IRAG1: variants seen among roughly 807,000 people sequenced by gnomAD.
IRAG1 encodes IP3R-associated cGMP kinase substrate.
In IRAG1, 62 loss-of-function variants were observed where a neutral mutation model predicts 106.2. The ratio of observed to expected loss-of-function variants is 0.58; its 90% CI spans 0.48 to 0.72. The LOEUF (loss-of-function observed/expected upper bound fraction) is 0.72, where lower values mean the gene tolerates loss of function less well. Among genes scored for constraint, IRAG1 ranks in the 30% least tolerant of loss-of-function variants. The pLI is 0.00. For missense variants in IRAG1, 1,064 were observed against 1,140.7 expected, an observed-to-expected ratio of 0.93 and a Z score of 0.97; for synonymous variants, 462 against 443.9, an observed-to-expected ratio of 1.04 and a Z score of -0.51.
intron 3 of IRAG1, 41 bp downstream of exon 3, chr11:10,633,927 G>A: frequency 8.1e-7 from 1 of 1,228,502 alleles, no homozygotes; most frequent in Non-Finnish European, 1.2e-6. Flanking sequence ...CATGTTCTAG[G>A]AAATATTGTT....
At chr11:10,593,471 G>T in intron 17 of IRAG1, 21 bp downstream of exon 17, 1 of 1,594,000 alleles carries the variant, frequency 6.3e-7, no homozygotes, top group African/African-American at 1.3e-5. Flanking sequence ...TGTGCTGGGA[G>T]GCAGACATCG....
chr11:10,627,847 G>T, intron 7 of IRAG1, 87 bp from the exon 8 acceptor site: 1 of 1,592,524 alleles, frequency 6.3e-7, no homozygotes, highest in Non-Finnish European at 8.6e-7. Flanking sequence ...CCCCCTAGCA[G>T]TGGTGTTCAT....
At chr11:10,610,855 T>C (rs1854897702) in intron 10 of IRAG1, among the ~76,000 whole-genome samples, 1 of 152,240 alleles carries the variant, frequency 6.6e-6, no homozygotes, top group Non-Finnish European at 1.5e-5. Context: ...TCCTGTATAA[T>C]GGTTACTTTC....
intron 1 of IRAG1, among the ~76,000 whole-genome samples, chr11:10,663,890 G>A (rs1859585737): frequency 2.0e-5 from 3 of 152,182 alleles, no homozygotes; most frequent in Admixed American, 2.0e-4. Context: ...AGGAAATGGA[G>A]CCTTAGACAA....
At position 10,593,526 on chromosome 11, in the gene IRAG1, G is replaced by C; in HGVS notation, c.2141C>G (p.Pro714Arg). ...FNALNLPGQTPSSSSIPSLPA... is the reference protein window; with the variant it reads ...FNALNLPGQTRSSSSIPSLPA... ...TAAGGAGGGAATGGATGATGAGCTG[G>C]GAGTTTGGCCAGGCAGATTCAGGGC... The change falls in exon 17 of 21, where the codon CCC (proline) becomes CGC (arginine). Residue 714 changes from proline (P) to arginine (R), a missense_variant. Pro to Arg is a moderately radical substitution (Grantham distance 103). Transcript: ENST00000423302. 1 of 1,613,818 alleles carries C rather than the reference G, an allele frequency of 6.2e-7. No individual in the cohort carries two copies. Among genetic ancestry groups the C allele is most frequent in the South Asian group, 1.1e-5 (1 of 91,072 alleles).
intron 1 of IRAG1, chr11:10,690,199 G>C (rs1285704086): frequency 3.0e-6 from 1 of 338,498 alleles, no homozygotes; most frequent in Non-Finnish European, 5.6e-6. Context: ...AGACCAGCCT[G>C]GGCAACATGA....
intron 10 of IRAG1, among the ~76,000 whole-genome samples, chr11:10,612,322 C>T (rs1396825635): frequency 6.6e-6 from 1 of 152,148 alleles, no homozygotes; most frequent in African/African-American, 2.4e-5. Context: ...TAAGATATGC[C>T]CCCGATTTGG....
rs557468488 is a variant in IRAG1 at position 10,662,534 on chromosome 11, T to C, written c.68-10352A>G. 2.0e-5 allele frequency among the ~76,000 whole-genome samples: 3 copies of C among 152,372 alleles called. No homozygotes were observed. In the South Asian group the frequency reaches 6.2e-4, roughly 32 times the overall value. On this transcript the variant is annotated intron_variant, in intron 1 of 20. Transcript: ENST00000423302. ...GTGAATTTTCAGATTAACTTATCAA[T>C]GGCTCTTCTAGCTTTAACCTAAGCC...
intron 1 of IRAG1, among the ~76,000 whole-genome samples, chr11:10,654,941 A>C (rs1412533233): frequency 6.6e-6 from 1 of 152,210 alleles, no homozygotes; most frequent in Admixed American, 6.5e-5. Context: ...TTCTTACTGT[A>C]TGAATAAACT....
intron 1 of IRAG1, among the ~76,000 whole-genome samples, chr11:10,661,401 G>A (rs1393976596): frequency 2.0e-5 from 3 of 152,110 alleles, no homozygotes; most frequent in East Asian, 1.9e-4. Context: ...TACTGCGTCT[G>A]TACCAAATTT....
rs775549634 is a variant in IRAG1 at position 10,606,782 on chromosome 11, A to G, written c.1572-10T>C. The G allele has an allele frequency of 1.9e-6, 3 of 1,580,700 alleles. No individual in the cohort carries two copies. Among genetic ancestry groups the G allele is most frequent in the Non-Finnish European group, 2.6e-6 (3 of 1,162,110 alleles). On this transcript the variant is annotated splice_polypyrimidine_tract_variant and intron_variant, in intron 11 of 20. Coordinates refer to ENST00000423302, the MANE Select transcript of IRAG1 (RefSeq NM_130385.4). ...AGTGAGTGGAGGGGCACTGTGAAAAAGAAAACACACAATTGAACTGTGTGC... is the reference window on the plus strand; with the variant it reads ...AGTGAGTGGAGGGGCACTGTGAAAAGGAAAACACACAATTGAACTGTGTGC...
In IRAG1 at chr11:10,687,552, C is replaced by T. The variant is rs78721393; in HGVS notation, c.67+5984G>A. The T allele has an allele frequency of 4.9e-4, 347 of 702,742 alleles. No homozygotes were observed. In the African/African-American group the frequency reaches 5.5e-3, roughly 11 times the overall value. 43.5% of individuals were successfully genotyped at this position (702,742 alleles called of 1,614,324 possible). On this transcript the variant is annotated intron_variant, in intron 1 of 20. Coordinates refer to ENST00000423302, the MANE Select transcript of IRAG1 (RefSeq NM_130385.4). ...TCCAACACCAGCTTCATCAGTCATA[C>T]GGGTGATATTAGTCTCTGAATTCCC...
At chr11:10,677,465 T>C (rs904090690) in intron 1 of IRAG1, among the ~76,000 whole-genome samples, 1 of 152,120 alleles carries the variant, frequency 6.6e-6, no homozygotes, top group African/African-American at 2.4e-5. Flanking sequence ...CTCTAGACCC[T>C]CCCTGAATTT....
chr11:10,582,203 C>T (rs566066340), intron 18 of IRAG1, among the ~76,000 whole-genome samples: 3 of 152,180 alleles, frequency 2.0e-5, no homozygotes, highest in Non-Finnish European at 2.9e-5. Flanking sequence ...CTCACCAGCT[C>T]CCCTTCTCCT....
chr11:10,661,480 A>C (rs1409647399), intron 1 of IRAG1, among the ~76,000 whole-genome samples: 4 of 152,178 alleles, frequency 2.6e-5, no homozygotes, highest in Non-Finnish European at 4.4e-5. Flanking sequence ...GAAGTTCAAA[A>C]TCCATCTCAG....
chr11:10,678,893 T>C (rs1286340610), intron 1 of IRAG1, among the ~76,000 whole-genome samples: 1 of 152,228 alleles, frequency 6.6e-6, no homozygotes, highest in Non-Finnish European at 1.5e-5. Flanking sequence ...GATGCTGCTA[T>C]GAGTCTAAAT....
chr11:10,584,063 A>T (rs981659825), intron 18 of IRAG1, among the ~76,000 whole-genome samples: 2 of 152,194 alleles, frequency 1.3e-5, no homozygotes, highest in Non-Finnish European at 2.9e-5. Context: ...ACAAGTTTAA[A>T]GGAAGTATCC....
intron 11 of IRAG1, among the ~76,000 whole-genome samples, chr11:10,607,084 G>A (rs1020742711): frequency 6.8e-6 from 1 of 146,646 alleles, no homozygotes; most frequent in Non-Finnish European, 1.5e-5. Flanking sequence ...ACTCATGTAT[G>A]TATGTGTATG....
intron 8 of IRAG1, 147 bp downstream of exon 8, chr11:10,627,569 G>C: frequency 1.2e-6 from 1 of 804,000 alleles, no homozygotes; most frequent in Non-Finnish European, 2.0e-6. Context: ...ATAAGGCAGG[G>C]GAATCTGCTG....
Sources: gnomAD v4.1 joint callset for allele counts (sites outside exome capture counted in the v4.1 genomes callset) on GRCh38, gnomAD v4.1.1 for gene constraint, MANE v1.5 for transcripts, NCBI Gene and HGNC (gene_info 2026-07-23, HGNC 2026-07-21) for gene names.